ADAMTS12: variants seen among roughly 807,000 people sequenced by gnomAD.
ADAMTS12 encodes ADAM metallopeptidase with thrombospondin type 1 motif 12, also known as A disintegrin and metalloproteinase with thrombospondin motifs 12.
A neutral mutation model predicts 167.8 loss-of-function variants in ADAMTS12; 118 were observed. The ratio of observed to expected loss-of-function variants is 0.70; its 90% confidence interval spans 0.61 to 0.82. The LOEUF is 0.82. Ranked by LOEUF, ADAMTS12 falls within the 40% of genes least tolerant of loss-of-function variation. ADAMTS12 has a pLI of 0.00. For synonymous variants in ADAMTS12, 704 were observed against 716.9 expected (o/e 0.98, Z 0.29); for missense variants, 1,916 against 1,998.8 (o/e 0.96, Z 0.79).
intron 16 of ADAMTS12, among the ~76,000 whole-genome samples, chr5:33,613,185 G>T (rs1484166553): frequency 1.3e-5 from 2 of 152,262 alleles, no homozygotes; most frequent in South Asian, 2.1e-4. Flanking sequence ...AGTTTTGCAG[G>T]TTGCAGTTAC....
intron 18 of ADAMTS12, among the ~76,000 whole-genome samples, chr5:33,587,495 C>G (rs1279514016): frequency 6.6e-6 from 1 of 152,140 alleles, no homozygotes; most frequent in African/African-American, 2.4e-5. Flanking sequence ...CACTTTCTCA[C>G]CTAGGCTGGA....
chr5:33,823,091 TAAA>T (rs34101310), intron 2 of ADAMTS12, among the ~76,000 whole-genome samples: 7 of 140,166 alleles, frequency 5.0e-5, no homozygotes, highest in Non-Finnish European at 6.1e-5. Context: ...ACCCCATTTC[TAAA>T]AAAAAAAAAA....
chr5:33,715,743 G>A (rs1743588628), intron 3 of ADAMTS12, among the ~76,000 whole-genome samples: 1 of 152,044 alleles, frequency 6.6e-6, no homozygotes, highest in Admixed American at 6.6e-5. Context: ...CCTTTTTTGT[G>A]ATAAAGAAGA....
intron 2 of ADAMTS12, among the ~76,000 whole-genome samples, chr5:33,760,054 C>A: frequency 6.6e-6 from 1 of 152,152 alleles, no homozygotes; most frequent in East Asian, 1.9e-4. Context: ...TAGCGTGAGA[C>A]CCGGGAATCT....
At chr5:33,549,431 G>A (rs1745148305) in intron 20 of ADAMTS12, 48 bp from the exon 21 acceptor site, 3 of 1,582,002 alleles carry the variant, frequency 1.9e-6, no homozygotes, top group Non-Finnish European at 1.7e-6. Flanking sequence ...ATTGGCATCA[G>A]GCCTCCCTTC....
At chr5:33,578,776 A>G (rs1487584889) in intron 18 of ADAMTS12, among the ~76,000 whole-genome samples, 1 of 152,222 alleles carries the variant, frequency 6.6e-6, no homozygotes, top group Non-Finnish European at 1.5e-5. Flanking sequence ...CAGCTCTGTG[A>G]AATCAGCTCT....
At chr5:33,838,067 C>A (rs1225680904) in intron 2 of ADAMTS12, among the ~76,000 whole-genome samples, 2 of 152,168 alleles carry the variant, frequency 1.3e-5, no homozygotes, top group Non-Finnish European at 2.9e-5. Context: ...TTACTCCCCA[C>A]AACATCCCCA....
At chr5:33,553,974 C>T (rs1172293883) in intron 20 of ADAMTS12, among the ~76,000 whole-genome samples, 1 of 152,204 alleles carries the variant, frequency 6.6e-6, no homozygotes, top group Admixed American at 6.5e-5. Flanking sequence ...TTACTATGTT[C>T]CAAGCTCTGT....
At chr5:33,711,906 C>A (rs949274710) in intron 3 of ADAMTS12, among the ~76,000 whole-genome samples, 5 of 152,130 alleles carry the variant, frequency 3.3e-5, no homozygotes, top group African/African-American at 1.2e-4. Context: ...TACACTTGAG[C>A]TTGTAATTTT....
chr5:33,565,706 T>A (rs1378049998), intron 19 of ADAMTS12, among the ~76,000 whole-genome samples: 1 of 150,724 alleles, frequency 6.6e-6, no homozygotes, highest in Admixed American at 6.6e-5. Context: ...AGCTATAATG[T>A]GTTCAATAAG....
At chr5:33,592,758 G>C (rs112003910) in intron 17 of ADAMTS12, among the ~76,000 whole-genome samples, 5 of 152,110 alleles carry the variant, frequency 3.3e-5, no homozygotes, top group African/African-American at 9.6e-5. Context: ...GTAAAAACAA[G>C]ATATTACTGA....
At chr5:33,856,133 C>G (rs1238995398) in intron 2 of ADAMTS12, among the ~76,000 whole-genome samples, 1 of 152,190 alleles carries the variant, frequency 6.6e-6, no homozygotes, top group Non-Finnish European at 1.5e-5. Flanking sequence ...GAAATAGACA[C>G]AGACTTATTC....
At chr5:33,838,399 T>C (rs1748612732) in intron 2 of ADAMTS12, among the ~76,000 whole-genome samples, 1 of 152,126 alleles carries the variant, frequency 6.6e-6, no homozygotes, top group Admixed American at 6.6e-5. Context: ...GAAGCAGAAC[T>C]AGGCCAGGCA....
At chr5:33,639,352 A>G (rs1022530095) in intron 11 of ADAMTS12, among the ~76,000 whole-genome samples, 1 of 152,210 alleles carries the variant, frequency 6.6e-6, no homozygotes, top group Non-Finnish European at 1.5e-5. Flanking sequence ...TTGAGGAGAA[A>G]AAAATGAGCT....
intron 3 of ADAMTS12, among the ~76,000 whole-genome samples, chr5:33,742,649 C>T (rs920577894): frequency 2.6e-5 from 4 of 152,152 alleles, no homozygotes; most frequent in Non-Finnish European, 4.4e-5. Context: ...TACTATGCAT[C>T]GGACACTAGG....
chr5:33,673,700 C>T (rs12657364), intron 5 of ADAMTS12, among the ~76,000 whole-genome samples: 145,014 of 152,200 alleles, frequency 0.95, 69,475 homozygotes, highest in Non-Finnish European at 1. Flanking sequence ...CAAGATCCTT[C>T]GAAGTCTAGC....
intron 19 of ADAMTS12, among the ~76,000 whole-genome samples, chr5:33,569,265 G>A (rs1746178941): frequency 1.3e-5 from 2 of 152,376 alleles, no homozygotes; most frequent in South Asian, 4.1e-4. Context: ...CACGCAGCTG[G>A]AGATCTGAGA....
intron 2 of ADAMTS12, among the ~76,000 whole-genome samples, chr5:33,848,909 GAT>G (rs985226557): frequency 1.3e-5 from 2 of 151,014 alleles, no homozygotes; most frequent in African/African-American, 2.4e-5. Context: ...ACACACACAT[GAT>G]ATATATATAT....
Position 33,624,286 on chromosome 5 carries a change from T to A in ADAMTS12, c.2088A>T (p.Gly696=), listed in dbSNP as rs750356979. 1.9e-6 allele frequency: 3 copies of A among 1,614,114 alleles called. No homozygotes were observed. Among genetic ancestry groups the A allele is most frequent in the Non-Finnish European group, 1.7e-6 (2 of 1,179,984 alleles). Residue 696 remains glycine (G), a synonymous_variant, in exon 14 of 24, where the codon GGA becomes GGT. Transcript: ENST00000504830. ...TCACAGTCTGGCAGGAAGAGCCATC[T>A]CCCAGGCACACACCGCAGCGATCCT... ...ATEDRCGVCL[G]DGSSCQTVRK...
Sources: allele counts gnomAD v4.1 joint callset (sites outside exome capture counted in the v4.1 genomes callset), GRCh38; gene constraint gnomAD v4.1.1; transcripts MANE v1.5; gene names NCBI Gene and HGNC (gene_info 2026-07-23, HGNC 2026-07-21).